PCSK1N: variants seen among roughly 807,000 people sequenced by gnomAD.
The protein encoded by PCSK1N is proprotein convertase subtilisin/kexin type 1 inhibitor.
In PCSK1N, 8 loss-of-function variants were observed where a neutral mutation model predicts 10.6. The ratio of observed to expected loss-of-function variants is 0.76; its 90% CI spans 0.44 to 1.37. The LOEUF (loss-of-function observed/expected upper bound fraction) is 1.37, where lower values mean the gene tolerates loss of function less well. Ranked by LOEUF, PCSK1N falls within the 40% of genes most tolerant of loss-of-function variation. The pLI, the probability that PCSK1N is intolerant of heterozygous loss-of-function variation, is 0.00. For missense variants in PCSK1N, 301 were observed against 268.5 expected, an observed-to-expected ratio of 1.12 and a Z score of -0.84; for synonymous variants, 143 against 137.1, an observed-to-expected ratio of 1.04 and a Z score of -0.30.
Position 48,835,490 on chromosome X carries a change from C to T in PCSK1N, c.43G>A (p.Val15Ile). 1 of 957,285 alleles carries T rather than the reference C, an allele frequency of 1.0e-6. No individual in the cohort carries two copies. The highest frequency in any genetic ancestry group is 1.3e-6 in the Non-Finnish European group (1 of 764,320). The allele number at this position is 957,285 out of a possible 1,213,427, so 78.9% of individuals were successfully genotyped here. ...PLLWGPRAGG[V>I]GLLVLLLLGL... is the part of the protein sequence containing the mutation. ...AGCAGCAGCAGCACCAAAAGGCCGA[C>T]GCCCCCGGCCCGCGGCCCCCAGAGC... Residue 15 changes from valine (V) to isoleucine (I), a missense_variant, in exon 1 of 3, where the codon GTC becomes ATC. Val to Ile is a conservative substitution (Grantham distance 29, BLOSUM62 3). Coordinates refer to ENST00000218230, the MANE Select transcript of PCSK1N (RefSeq NM_013271.5).
In PCSK1N at chrX:48,832,345, C is replaced by G; in HGVS notation, c.115-4G>C. 1 of 1,105,923 alleles carries G rather than the reference C, an allele frequency of 9.0e-7. No homozygotes were observed. The highest frequency in any genetic ancestry group is 2.1e-5 in the South Asian group (1 of 46,920). 91.1% of individuals were successfully genotyped at this position (1,105,923 alleles called of 1,213,427 possible). A position where few individuals can be genotyped will look rare whatever the true frequency, so the allele number is the denominator to read the frequency against. On this transcript the variant is annotated splice_region_variant and splice_polypyrimidine_tract_variant and intron_variant, in intron 1 of 2. Transcript: ENST00000218230. ...CTGCGCTTAGGCCGCGGGGCTCCTG[C>G]GGGAAAATGAGGTGGGGGAAAAGAG...
At chrX:48,831,587 G>A (rs1252520136) in intron 2 of PCSK1N, 132 bp from the exon 3 acceptor site, 2 of 508,440 alleles carry the variant, frequency 3.9e-6, no homozygotes, top group African/African-American at 2.5e-5. Flanking sequence ...CCAAGAAGGC[G>A]TCCTCAGCCC....
In PCSK1N at chrX:48,831,199, C is replaced by T. The variant is rs970845350; in HGVS notation, c.*61G>A. The T allele has an allele frequency of 1.9e-5, 19 of 989,318 alleles. No homozygotes were observed. The Admixed American group carries it at 2.2e-4, about 11-fold the overall frequency. The allele number at this position is 989,318 out of a possible 1,213,427, so 81.5% of individuals were successfully genotyped here. ...TCTGGACGTGCTGGCGGGGAGCAGT[C>T]CTGGTGGCGGGATGGCGGGGGCACT... On this transcript the variant is annotated 3_prime_UTR_variant, in exon 3 of 3. Coordinates refer to ENST00000218230, the MANE Select transcript of PCSK1N (RefSeq NM_013271.5).
Position 48,832,261 on chromosome X carries a change from T to C in PCSK1N, c.195A>G (p.Arg65=). The C allele has an allele frequency of 8.7e-7, 1 of 1,149,371 alleles. No homozygotes were observed. The highest frequency in any genetic ancestry group is 1.2e-6 in the Non-Finnish European group (1 of 868,689). The allele number at this position is 1,149,371 out of a possible 1,213,427, so 94.7% of individuals were successfully genotyped here. A position where few individuals can be genotyped will look rare whatever the true frequency, so the allele number is the denominator to read the frequency against. ...APRRFRRSVP[R]GEAAGAVQEL... is the part of the protein sequence containing the mutation. ...CCTGCACCGCCCCCGCCGCCTCACC[T>C]CGGGGCACTGACCGCCGGAAGCGGC... The change falls in exon 2 of 3, where the codon CGA becomes CGG. Residue 65 remains arginine, a synonymous_variant. Transcript: ENST00000218230.
At chrX:48,834,783 A>T (rs1227902004) in intron 1 of PCSK1N, 8 of 1,833 alleles carry the variant, frequency 4.4e-3, no homozygotes, top group South Asian at 0.018. Context: ...ACGAAATCAC[A>T]CACACACACA....
chrX:48,832,341 C>T lies in PCSK1N; in HGVS notation c.115G>A (p.Glu39Lys). Reference sequence around the variant, plus strand: ...GACGCTGCGCTTAGGCCGCGGGGCTCCTGCGGGAAAATGAGGTGGGGGAAA... The same window carrying T: ...GACGCTGCGCTTAGGCCGCGGGGCTTCTGCGGGAAAATGAGGTGGGGGAAA... ...PPALCARPVK[E>K]PRGLSAASPP... Residue 39 changes from glutamate (E) to lysine (K), a missense_variant and splice_region_variant, in exon 2 of 3, where the codon GAG becomes AAG. Glu to Lys is a moderately conservative substitution (Grantham distance 56). Coordinates refer to ENST00000218230, the MANE Select transcript of PCSK1N (RefSeq NM_013271.5). 9.0e-7 allele frequency: 1 copy of T among 1,111,079 alleles called. No individual in the cohort carries two copies. Among genetic ancestry groups the T allele is most frequent in the Non-Finnish European group, 1.2e-6 (1 of 846,987 alleles). The allele number at this position is 1,111,079 out of a possible 1,213,427, so 91.6% of individuals were successfully genotyped here. A position where few individuals can be genotyped will look rare whatever the true frequency, so the allele number is the denominator to read the frequency against.
chrX:48,834,779 TCACACACA>T (rs201323939), intron 1 of PCSK1N: 30,928 of 86,396 alleles, frequency 0.36, 4,951 homozygotes, highest in Middle Eastern at 0.49. Flanking sequence ...ACAAACGAAA[TCACACACA>T]CACACACACA....
rs782593113 is a variant in PCSK1N, at chrX:48,831,857, C to G, written c.587+12G>C. 6.7e-6 allele frequency: 7 copies of G among 1,042,777 alleles called. No homozygotes were observed. The East Asian group carries it at 2.8e-4, about 42-fold the overall frequency. The allele number at this position is 1,042,777 out of a possible 1,213,427, so 85.9% of individuals were successfully genotyped here. ...GCAGGCGCCCGACCCCTCCCCACCC[C>G]CTGCCGGGCACCTCAACAGCTCGGG... On this transcript the variant is annotated intron_variant, in intron 2 of 2. Transcript: ENST00000218230.
In PCSK1N at chrX:48,835,503, C is replaced by T; in HGVS notation, c.30G>A (p.Pro10=). The change falls in exon 1 of 3, where the codon CCG becomes CCA. Residue 10 remains proline (P), a synonymous_variant. Coordinates refer to ENST00000218230, the MANE Select transcript of PCSK1N (RefSeq NM_013271.5). ...CCAAAAGGCCGACGCCCCCGGCCCG[C>T]GGCCCCCAGAGCAGCGGCGACCCCG... MAGSPLLWG[P]RAGGVGLLVL... 1 of 949,858 alleles carries T rather than the reference C, an allele frequency of 1.1e-6. No individual in the cohort carries two copies. Among genetic ancestry groups the T allele is most frequent in the Non-Finnish European group, 1.3e-6 (1 of 759,158 alleles). 78.3% of individuals were successfully genotyped at this position (949,858 alleles called of 1,213,427 possible).
chrX:48,832,235 T>A lies in PCSK1N; in HGVS notation c.221A>T (p.Glu74Val). The A allele has an allele frequency of 8.7e-7, 1 of 1,151,964 alleles. No individual in the cohort carries two copies. The highest frequency in any genetic ancestry group is 1.1e-6 in the Non-Finnish European group (1 of 870,996). 94.9% of individuals were successfully genotyped at this position (1,151,964 alleles called of 1,213,427 possible). A position where few individuals can be genotyped will look rare whatever the true frequency, so the allele number is the denominator to read the frequency against. The stretch of plus-strand genomic sequence containing the variant: ...CAGATGCGCCAGCGCCCGCGCCAGC[T>A]CCTGCACCGCCCCCGCCGCCTCACC... ...PRGEAAGAVQELARALAHLLE... is the reference protein window; with the variant it reads ...PRGEAAGAVQVLARALAHLLE... The change falls in exon 2 of 3, where the codon GAG (glutamate) becomes GTG (valine). Residue 74 changes from glutamate to valine, a missense_variant. Coordinates refer to ENST00000218230, the MANE Select transcript of PCSK1N (RefSeq NM_013271.5).
intron 1 of PCSK1N, among the ~76,000 whole-genome samples, chrX:48,832,651 T>C (rs1451612264): frequency 2.8e-5 from 3 of 105,874 alleles, no homozygotes; most frequent in Admixed American, 2.1e-4. Flanking sequence ...ATAAGAGTAG[T>C]GATGGTAGAT....
intron 1 of PCSK1N, among the ~76,000 whole-genome samples, chrX:48,834,161 C>G (rs1297864365): frequency 9.0e-6 from 1 of 111,515 alleles, no homozygotes; most frequent in African/African-American, 3.3e-5. Flanking sequence ...GCTGCCATGG[C>G]GAGGGGCACG....
chrX:48,831,460 A>G lies in PCSK1N; in HGVS notation c.588-5T>C. ...AGAATCCGTCCCAGCAAGTACCTGC[A>G]GGGCCGAGCGCAAAGCAGTGAGGCG... On this transcript the variant is annotated splice_polypyrimidine_tract_variant and splice_region_variant and intron_variant, in intron 2 of 2. Coordinates refer to ENST00000218230, the MANE Select transcript of PCSK1N (RefSeq NM_013271.5). 1 of 1,058,867 alleles carries G rather than the reference A, an allele frequency of 9.4e-7. No homozygotes were observed. The highest frequency in any genetic ancestry group is 3.7e-5 in the East Asian group (1 of 26,951). The allele number at this position is 1,058,867 out of a possible 1,213,427, so 87.3% of individuals were successfully genotyped here.
chrX:48,831,507 C>A, intron 2 of PCSK1N, 52 bp from the exon 3 acceptor site: 2 of 912,706 alleles, frequency 2.2e-6, no homozygotes, highest in Non-Finnish European at 2.9e-6. Context: ...GGGGCGTTCC[C>A]CCGCCCCACG....
rs2063171036 is a variant in PCSK1N at position 48,831,173 on chromosome X, C to T, written c.*87G>A. Reference sequence around the variant, plus strand: ...AGGGCTGGCTGGCCGGGGTAAGTTGCTCTGGACGTGCTGGCGGGGAGCAGT... The same window carrying T: ...AGGGCTGGCTGGCCGGGGTAAGTTGTTCTGGACGTGCTGGCGGGGAGCAGT... On this transcript the variant is annotated 3_prime_UTR_variant, in exon 3 of 3. Transcript: ENST00000218230. 4.9e-6 allele frequency: 4 copies of T among 817,590 alleles called. No homozygotes were observed. The highest frequency in any genetic ancestry group is 6.7e-6 in the Non-Finnish European group (4 of 596,742). The allele number at this position is 817,590 out of a possible 1,213,427, so 67.4% of individuals were successfully genotyped here.
Position 48,831,111 on chromosome X carries a change from T to G in PCSK1N, c.*149A>C. The G allele has an allele frequency of 8.6e-6, 4 of 463,660 alleles. No homozygotes were observed. The highest frequency in any genetic ancestry group is 1.4e-5 in the Non-Finnish European group (4 of 287,184). The allele number at this position is 463,660 out of a possible 1,213,427, so 38.2% of individuals were successfully genotyped here. ...AGCACAGAGCTGCTTCAGATCATGTTTATTGTGGGGCCAGGGGGTAGGGAT... is the reference window on the plus strand; with the variant it reads ...AGCACAGAGCTGCTTCAGATCATGTGTATTGTGGGGCCAGGGGGTAGGGAT... On this transcript the variant is annotated 3_prime_UTR_variant, in exon 3 of 3. Transcript: ENST00000218230.
rs782491051 is a variant in PCSK1N, at chrX:48,832,248, C to T, written c.208G>A (p.Gly70Arg). The T allele has an allele frequency of 2.6e-6, 3 of 1,151,700 alleles. No individual in the cohort carries two copies. The South Asian group carries it at 5.7e-5, about 22-fold the overall frequency. 94.9% of individuals were successfully genotyped at this position (1,151,700 alleles called of 1,213,427 possible). ...GCCCGCGCCAGCTCCTGCACCGCCC[C>T]CGCCGCCTCACCTCGGGGCACTGAC... ...RRSVPRGEAA[G>R]AVQELARALA... is the part of the protein sequence containing the mutation. The change falls in exon 2 of 3, where the codon GGG becomes AGG. Residue 70 changes from glycine (G) to arginine (R), a missense_variant. Transcript: ENST00000218230.
chrX:48,833,625 A>G (rs1481735074), intron 1 of PCSK1N, among the ~76,000 whole-genome samples: 1 of 110,695 alleles, frequency 9.0e-6, no homozygotes, highest in African/African-American at 3.3e-5. Flanking sequence ...CCTATGACCC[A>G]CTCCTGGGAT....
chrX:48,832,454 G>A, intron 1 of PCSK1N, 113 bp from the exon 2 acceptor site: 1 of 559,714 alleles, frequency 1.8e-6, no homozygotes. Context: ...CAAAAGCACC[G>A]TGACCATCCA....
Sources: gnomAD v4.1 joint callset for allele counts (sites outside exome capture counted in the v4.1 genomes callset) on GRCh38, gnomAD v4.1.1 for gene constraint, MANE v1.5 for transcripts, NCBI Gene and HGNC (gene_info 2026-07-23, HGNC 2026-07-21) for gene names.